The following NEDD4L variants were observed in gnomAD, a reference collection of about 807,000 sequenced individuals.
NEDD4L encodes E3 ubiquitin-protein ligase NEDD4-like.
A neutral mutation model predicts 148.9 loss-of-function variants in NEDD4L; 54 were observed. The ratio of observed to expected loss-of-function variants is 0.36; its 90% CI spans 0.29 to 0.45. The LOEUF is 0.45. Among genes scored for constraint, NEDD4L ranks in the 20% least tolerant of loss-of-function variants. The pLI is 1.00. For synonymous variants in NEDD4L, 433 were observed against 440.7 expected, an observed-to-expected ratio of 0.98 and a Z score of 0.22; for missense variants, 856 against 1,233.8, an observed-to-expected ratio of 0.69 and a Z score of 4.59.
chr18:58,342,730 A>C (rs1450125853), intron 15 of NEDD4L, among the ~76,000 whole-genome samples, 176 bp from the exon 16 acceptor site: 1 of 152,228 alleles, frequency 6.6e-6, no homozygotes, highest in Non-Finnish European at 1.5e-5. Context: ...TGTTTATCCA[A>C]CAGAGAAAAT....
intron 16 of NEDD4L, among the ~76,000 whole-genome samples, chr18:58,348,333 T>C (rs907644846): frequency 4.6e-5 from 6 of 131,286 alleles, no homozygotes; most frequent in African/African-American, 1.2e-4. Flanking sequence ...TTTCTTTTTT[T>C]TTTTTTTTTT....
intron 16 of NEDD4L, among the ~76,000 whole-genome samples, chr18:58,347,963 G>A (rs2043308688): frequency 7.3e-6 from 1 of 136,348 alleles, no homozygotes; most frequent in South Asian, 2.3e-4. Context: ...GGTTGATAGT[G>A]GTTTTTTTTT....
At chr18:58,200,826 A>G (rs1210279761) in intron 2 of NEDD4L, among the ~76,000 whole-genome samples, 2 of 152,234 alleles carry the variant, frequency 1.3e-5, no homozygotes, top group African/African-American at 4.8e-5. Flanking sequence ...ATGAGATAAT[A>G]TAAAATGTAT....
At chr18:58,269,511 T>A (rs2148792595) in intron 5 of NEDD4L, among the ~76,000 whole-genome samples, 1 of 152,166 alleles carries the variant, frequency 6.6e-6, no homozygotes, top group South Asian at 2.1e-4. Flanking sequence ...TAACTCTTAA[T>A]GGAATAGAAT....
chr18:58,195,634 C>CGCCG (rs1568366138), intron 2 of NEDD4L: 6 of 1,349,838 alleles, frequency 4.4e-6, no homozygotes, highest in Non-Finnish European at 5.9e-6. Context: ...GATTTCTCCT[C>CGCCG]GCCGCCGTTG....
chr18:58,053,689 G>T (rs1423626032), intron 1 of NEDD4L, among the ~76,000 whole-genome samples: 1 of 152,132 alleles, frequency 6.6e-6, no homozygotes, highest in African/African-American at 2.4e-5. Flanking sequence ...TGCAGTTTTG[G>T]ATCATGTCTT....
At chr18:58,348,154 A>G (rs919607517) in intron 16 of NEDD4L, among the ~76,000 whole-genome samples, 4 of 151,240 alleles carry the variant, frequency 2.6e-5, no homozygotes, top group Non-Finnish European at 4.4e-5. Context: ...GCACCACCAC[A>G]CTCAGCTAAC....
intron 28 of NEDD4L, chr18:58,389,508 TC>T: frequency 4.4e-6 from 1 of 226,536 alleles, no homozygotes; most frequent in Non-Finnish European, 8.6e-6. Context: ...GGGGGGCTTC[TC>T]AGGGCAGAAA....
intron 3 of NEDD4L, among the ~76,000 whole-genome samples, chr18:58,248,677 T>C (rs1243396863): frequency 1.3e-5 from 2 of 152,182 alleles, no homozygotes; most frequent in Admixed American, 6.5e-5. Flanking sequence ...CTTCTGGTGA[T>C]AGAAGCAGTT....
chr18:58,300,249 T>C (rs1013612812), intron 5 of NEDD4L, among the ~76,000 whole-genome samples: 1 of 152,178 alleles, frequency 6.6e-6, no homozygotes, highest in Non-Finnish European at 1.5e-5. Flanking sequence ...GGGCACAGAG[T>C]GGTGAGTGCC....
chr18:58,173,926 A>G (rs76028272), intron 2 of NEDD4L, among the ~76,000 whole-genome samples: 6,381 of 152,282 alleles, frequency 0.042, 258 homozygotes, highest in East Asian at 0.2. Context: ...GACTCTCTTA[A>G]CCTAGAATAG....
At chr18:58,339,445 C>A (rs566482754) in intron 13 of NEDD4L, among the ~76,000 whole-genome samples, 1 of 152,254 alleles carries the variant, frequency 6.6e-6, no homozygotes, top group South Asian at 2.1e-4. Flanking sequence ...CATGCTAATT[C>A]ATCGATGTTT....
intron 1 of NEDD4L, among the ~76,000 whole-genome samples, chr18:58,116,665 C>T (rs472847): frequency 0.42 from 63,233 of 152,076 alleles, 13,481 homozygotes; most frequent in East Asian, 0.54. Context: ...CAGAGCATCA[C>T]CTTTGTTAGG....
intron 26 of NEDD4L, among the ~76,000 whole-genome samples, chr18:58,387,183 G>A (rs187675893): frequency 2.3e-3 from 353 of 152,290 alleles, no homozygotes; most frequent in Admixed American, 7.9e-3. Context: ...CCTGCCTACA[G>A]TATCCCATAT....
chr18:58,227,167 C>G (rs1286427955), intron 2 of NEDD4L, among the ~76,000 whole-genome samples: 1 of 152,224 alleles, frequency 6.6e-6, no homozygotes, highest in Non-Finnish European at 1.5e-5. Flanking sequence ...TGCTACCTGT[C>G]TCCCCTTGGT....
At position 58,391,540 on chromosome 18, in the gene NEDD4L, C is replaced by T; in HGVS notation, c.2806C>T (p.Leu936=). 6.3e-7 allele frequency: 1 copy of T among 1,577,626 alleles called. No homozygotes were observed. Among genetic ancestry groups the T allele is most frequent in the Non-Finnish European group, 8.6e-7 (1 of 1,160,380 alleles). ...TIEQWGSPEK[L]PRAHTCFNRL... is the part of the protein sequence containing the mutation. ...AGAGCAATGGGGCAGTCCTGAGAAA[C>T]TGCCCAGAGCTCACACATGGTGAGT... The change falls in exon 30 of 31, where the codon CTG becomes TTG. Residue 936 remains leucine (L), a synonymous_variant. Coordinates refer to ENST00000400345, the MANE Select transcript of NEDD4L (RefSeq NM_001144967.3).
chr18:58,047,598 G>A, intron 1 of NEDD4L: 2 of 730,302 alleles, frequency 2.7e-6, no homozygotes, highest in Non-Finnish European at 1.7e-6. Flanking sequence ...TTTCTCTGGT[G>A]AGTTATAATT....
chr18:58,219,259 CT>C (rs1198933371), intron 2 of NEDD4L, among the ~76,000 whole-genome samples: 2 of 152,070 alleles, frequency 1.3e-5, no homozygotes, highest in African/African-American at 4.8e-5. Context: ...CAAATGTAGC[CT>C]TTTTTTCCCT....
chr18:58,103,842 A>C (rs1432678819), intron 1 of NEDD4L, among the ~76,000 whole-genome samples: 3 of 152,252 alleles, frequency 2.0e-5, no homozygotes, highest in African/African-American at 7.2e-5. Flanking sequence ...TTTACCACAT[A>C]AACAAGGAAA....
Sources: allele counts gnomAD v4.1 joint callset (sites outside exome capture counted in the v4.1 genomes callset), GRCh38; gene constraint gnomAD v4.1.1; transcripts MANE v1.5; gene names NCBI Gene and HGNC (gene_info 2026-07-23, HGNC 2026-07-21).